FAM83D: variants seen among roughly 807,000 people sequenced by gnomAD.
FAM83D encodes the protein scaffolding CK1 anchoring protein D.
Under a neutral mutation model 25.4 loss-of-function variants are expected in FAM83D, and 26 were observed. That is an observed-to-expected ratio of 1.02 (90% CI 0.75 to 1.42). The LOEUF (loss-of-function observed/expected upper bound fraction) is 1.42. Ranked by LOEUF, FAM83D falls within the 40% of genes most tolerant of loss-of-function variation. FAM83D has a pLI of 0.00. For missense variants in FAM83D, 740 were observed against 758.1 expected, an observed-to-expected ratio of 0.98 and a Z score of 0.28; for synonymous variants, 310 against 318.5, an observed-to-expected ratio of 0.97 and a Z score of 0.28.
chr20:38,951,227 AG>A (rs1405332772), intron 3 of FAM83D, among the ~76,000 whole-genome samples: 4 of 152,186 alleles, frequency 2.6e-5, no homozygotes, highest in Non-Finnish European at 4.4e-5. Flanking sequence ...GCCTGAGCCG[AG>A]GAGTTCAAGA....
At chr20:38,942,343 C>CAA (rs2085706649) in intron 2 of FAM83D, among the ~76,000 whole-genome samples, 1 of 152,014 alleles carries the variant, frequency 6.6e-6, no homozygotes, top group African/African-American at 2.4e-5. Context: ...TGGGCCCCCA[C>CAA]AAAAATTTAT....
chr20:38,949,412 G>T (rs111234980), intron 3 of FAM83D, among the ~76,000 whole-genome samples: 25,495 of 152,080 alleles, frequency 0.17, 2,400 homozygotes, highest in East Asian at 0.34. Flanking sequence ...CGCTGGCCTC[G>T]GCCTACCAAA....
chr20:38,930,852 G>A (rs547351985), intron 1 of FAM83D, among the ~76,000 whole-genome samples: 14 of 152,124 alleles, frequency 9.2e-5, no homozygotes, highest in Non-Finnish European at 1.9e-4. Flanking sequence ...TGGCCAGGCT[G>A]GTCTTGATCT....
At chr20:38,932,764 A>G (rs1328224164) in intron 1 of FAM83D, among the ~76,000 whole-genome samples, 1 of 152,252 alleles carries the variant, frequency 6.6e-6, no homozygotes, top group East Asian at 1.9e-4. Context: ...ATGAGAGTTC[A>G]GAGGCAAAGC....
chr20:38,941,418 G>C (rs1355658917), intron 1 of FAM83D, among the ~76,000 whole-genome samples: 1 of 152,240 alleles, frequency 6.6e-6, no homozygotes, highest in African/African-American at 2.4e-5. Context: ...AAAAAAGTCA[G>C]AGATTATGAT....
At chr20:38,948,592 C>T (rs767704874) in intron 3 of FAM83D, among the ~76,000 whole-genome samples, 19 of 152,302 alleles carry the variant, frequency 1.2e-4, no homozygotes, top group South Asian at 4.1e-4. Flanking sequence ...GGATAATGAG[C>T]GGTTTACATG....
chr20:38,942,302 C>T (rs1202549260), intron 2 of FAM83D, 176 bp downstream of exon 2: 3 of 653,290 alleles, frequency 4.6e-6, no homozygotes, highest in Non-Finnish European at 7.9e-6. Context: ...TGGCAATTCT[C>T]CTAGGTGTCT....
rs1455596046 is a variant in FAM83D, at chr20:38,947,901, G to C, written c.677G>C (p.Gly226Ala). The C allele has an allele frequency of 4.3e-6, 7 of 1,614,030 alleles. No homozygotes were observed. The highest frequency in any genetic ancestry group is 5.9e-6 in the Non-Finnish European group (7 of 1,180,002). Residue 226 changes from glycine to alanine, a missense_variant, in exon 3 of 4, where the codon GGA becomes GCA. By Grantham distance (60) the Gly-to-Ala change is moderately conservative. Coordinates refer to ENST00000619850, the MANE Select transcript of FAM83D (RefSeq NM_030919.3). Reference protein sequence around the residue: ...EKLMTVRTITGNIYYARSGTK... With the variant: ...EKLMTVRTITANIYYARSGTK... The stretch of plus-strand genomic sequence containing the variant: ...TTAATGACAGTTCGGACTATCACAG[G>C]AAATATCTACTATGCAAGGTCAGGA...
intron 1 of FAM83D, among the ~76,000 whole-genome samples, chr20:38,941,119 T>C (rs1043572877): frequency 5.9e-5 from 9 of 152,178 alleles, no homozygotes; most frequent in Non-Finnish European, 1.3e-4. Context: ...TGTTCTGAGC[T>C]TAAGGGCAGA....
intron 1 of FAM83D, among the ~76,000 whole-genome samples, chr20:38,939,673 T>A (rs1407150264): frequency 6.6e-6 from 1 of 152,118 alleles, no homozygotes; most frequent in Non-Finnish European, 1.5e-5. Context: ...TTGCTTAGGC[T>A]GTATATATCA....
chr20:38,935,102 T>C lies in FAM83D; in HGVS notation c.484-6857T>C, dbSNP rs369522003. Among the ~76,000 whole-genome samples, 66 of 152,220 alleles carry C rather than the reference T, an allele frequency of 4.3e-4. 2 individuals are homozygous for C. The East Asian group carries it at 7.3e-3, about 17-fold the overall frequency. On this transcript the variant is annotated intron_variant, in intron 1 of 3. Coordinates refer to ENST00000619850, the MANE Select transcript of FAM83D (RefSeq NM_030919.3). Reference sequence around the variant, plus strand: ...AAATGGAAGAATATACAAAAAACTATTGGAAATATTATCTCAATGGGGAGG... The same window carrying C: ...AAATGGAAGAATATACAAAAAACTACTGGAAATATTATCTCAATGGGGAGG...
chr20:38,948,300 G>A (rs1473181675), intron 3 of FAM83D, among the ~76,000 whole-genome samples: 1 of 152,138 alleles, frequency 6.6e-6, no homozygotes, highest in Admixed American at 6.5e-5. Context: ...GGACGAACTG[G>A]GGGTTAACAG....
Position 38,952,780 on chromosome 20 carries a change from A to C in FAM83D, c.*260A>C. 1 of 489,848 alleles carries C rather than the reference A, an allele frequency of 2.0e-6. No homozygotes were observed. The allele number at this position is 489,848 out of a possible 1,614,324, so 30.3% of individuals were successfully genotyped here. ...AATTTTAATAGTCATGCACTACATA[A>C]TGATGTTTTGGTCAATGACAGACCA... On this transcript the variant is annotated 3_prime_UTR_variant, in exon 4 of 4. Coordinates refer to ENST00000619850, the MANE Select transcript of FAM83D (RefSeq NM_030919.3).
chr20:38,952,658 A>G lies in FAM83D; in HGVS notation c.*138A>G, dbSNP rs2085761973. The G allele has an allele frequency of 2.1e-6, 2 of 969,890 alleles. No homozygotes were observed. The highest frequency in any genetic ancestry group is 3.3e-5 in the South Asian group (2 of 61,392). 60.1% of individuals were successfully genotyped at this position (969,890 alleles called of 1,614,324 possible). On this transcript the variant is annotated 3_prime_UTR_variant, in exon 4 of 4. Coordinates refer to ENST00000619850, the MANE Select transcript of FAM83D (RefSeq NM_030919.3). ...CACCTTTGTTGTCTTTGAATTCTTTAGGCTGCATATTATTTTACATGCTTT... is the reference window on the plus strand; with the variant it reads ...CACCTTTGTTGTCTTTGAATTCTTTGGGCTGCATATTATTTTACATGCTTT...
chr20:38,926,523 G>A lies in FAM83D; in HGVS notation c.81G>A (p.Leu27=). ...GCGGGCCGCCCAACCCGACCGAGCT[G>A]TTCAGCGAGTCACGGCGCCTGGCTC... ...SPCGPPNPTE[L]FSESRRLALE... The change falls in exon 1 of 4, where the codon CTG becomes CTA. Residue 27 remains leucine (L), a synonymous_variant. Coordinates refer to ENST00000619850, the MANE Select transcript of FAM83D (RefSeq NM_030919.3). 1.3e-6 allele frequency: 2 copies of A among 1,593,018 alleles called. No homozygotes were observed. Among genetic ancestry groups the A allele is most frequent in the Non-Finnish European group, 1.7e-6 (2 of 1,176,368 alleles).
At chr20:38,935,856 G>A (rs973733950) in intron 1 of FAM83D, among the ~76,000 whole-genome samples, 3 of 152,228 alleles carry the variant, frequency 2.0e-5, no homozygotes, top group Non-Finnish European at 4.4e-5. Flanking sequence ...AAACCCCAAA[G>A]ATGTCAAGAT....
chr20:38,926,527 A>T lies in FAM83D; in HGVS notation c.85A>T (p.Ser29Cys). ...GCCGCCCAACCCGACCGAGCTGTTC[A>T]GCGAGTCACGGCGCCTGGCTCTGGA... ...CGPPNPTELF[S>C]ESRRLALEEL... is the part of the protein sequence containing the mutation. The change falls in exon 1 of 4, where the codon AGC becomes TGC. Residue 29 changes from serine (S) to cysteine (C), a missense_variant. Transcript: ENST00000619850. The T allele has an allele frequency of 6.3e-7, 1 of 1,592,028 alleles. No individual in the cohort carries two copies. The highest frequency in any genetic ancestry group is 1.3e-5 in the African/African-American group (1 of 74,728).
At chr20:38,945,892 G>T (rs189195186) in intron 2 of FAM83D, among the ~76,000 whole-genome samples, 2 of 151,640 alleles carry the variant, frequency 1.3e-5, no homozygotes, top group Non-Finnish European at 2.9e-5. Context: ...CACTGCGCCC[G>T]GCTGGATCTT....
chr20:38,936,454 C>T (rs1346601516), intron 1 of FAM83D, among the ~76,000 whole-genome samples: 1 of 151,920 alleles, frequency 6.6e-6, no homozygotes, highest in Non-Finnish European at 1.5e-5. Flanking sequence ...TTTCCATATG[C>T]CAGGAACTGC....
Sources: allele counts gnomAD v4.1 joint callset (sites outside exome capture counted in the v4.1 genomes callset), GRCh38; gene constraint gnomAD v4.1.1; transcripts MANE v1.5; gene names NCBI Gene and HGNC (gene_info 2026-07-23, HGNC 2026-07-21).